The following STAG1 variants were observed in gnomAD, a reference collection of about 807,000 sequenced individuals.
STAG1 encodes cohesin subunit SA-1.
In STAG1, 26 loss-of-function variants were observed where a neutral mutation model predicts 170.9. That is an observed-to-expected ratio of 0.15 (90% CI 0.11 to 0.21). The LOEUF is 0.21. Among genes scored for constraint, STAG1 ranks in the 10% least tolerant of loss-of-function variants. The pLI is 1.00. For synonymous variants in STAG1, 514 were observed against 497.7 expected (o/e 1.03, Z -0.44); for missense variants, 964 against 1,509.5 (o/e 0.64, Z 5.99).
rs772562720 is a variant in STAG1 at position 136,643,199 on chromosome 3, A to G, written c.-83-12218T>C. Among the ~76,000 whole-genome samples the G allele has an allele frequency of 7.8e-4, 119 of 152,330 alleles. 1 individual carries two copies. Among genetic ancestry groups the G allele is most frequent in the Middle Eastern group, 3.4e-3 (1 of 294 alleles). Reference sequence around the variant, plus strand: ...TCTGTTCTATAAAAGCATTGTTTTGAAATTACTTATTCAAGATCATTTTAA... The same window carrying G: ...TCTGTTCTATAAAAGCATTGTTTTGGAATTACTTATTCAAGATCATTTTAA... On this transcript the variant is annotated intron_variant, in intron 1 of 33. Transcript: ENST00000383202.
At chr3:136,438,148 G>C (rs984083701) in intron 15 of STAG1, among the ~76,000 whole-genome samples, 1 of 151,262 alleles carries the variant, frequency 6.6e-6, no homozygotes, top group East Asian at 1.9e-4. Flanking sequence ...CATCATTCAT[G>C]TTTCAGATAC....
chr3:136,542,831 A>T (rs984154264), intron 5 of STAG1, among the ~76,000 whole-genome samples: 3 of 152,172 alleles, frequency 2.0e-5, no homozygotes, highest in Middle Eastern at 3.2e-3. Context: ...CAACAGCCTT[A>T]TGAAGAATGT....
chr3:136,586,757 A>G (rs1937850875), intron 4 of STAG1: 1 of 443,378 alleles, frequency 2.3e-6, no homozygotes, highest in Admixed American at 2.4e-5. Flanking sequence ...ATGCACTAAC[A>G]TGGGGAAGCA....
chr3:136,498,613 T>G (rs116809604), intron 9 of STAG1, among the ~76,000 whole-genome samples: 2,450 of 151,650 alleles, frequency 0.016, 71 homozygotes, highest in African/African-American at 0.056. Flanking sequence ...GTTTTATAGG[T>G]GTATATATGT....
chr3:136,563,661 A>C (rs569212727), intron 5 of STAG1, among the ~76,000 whole-genome samples: 263 of 149,244 alleles, frequency 1.8e-3, no homozygotes, highest in East Asian at 0.013. Flanking sequence ...AAAAAAAAAA[A>C]AACAACAACA....
chr3:136,586,844 G>A, intron 4 of STAG1: 1 of 456,550 alleles, frequency 2.2e-6, no homozygotes, highest in Non-Finnish European at 4.4e-6. Flanking sequence ...GTAAATAGAG[G>A]GGCCAAAGGC....
chr3:136,714,946 TATA>T (rs1943484016), intron 1 of STAG1, among the ~76,000 whole-genome samples: 1 of 74,958 alleles, frequency 1.3e-5, no homozygotes, highest in African/African-American at 4.4e-5. Flanking sequence ...TAAATATATA[TATA>T]TATATATATA....
chr3:136,563,116 A>C (rs1265830550), intron 5 of STAG1, among the ~76,000 whole-genome samples: 1 of 152,194 alleles, frequency 6.6e-6, no homozygotes, highest in Admixed American at 6.5e-5. Flanking sequence ...TCATTTGTTA[A>C]GGTGCTATCT....
At chr3:136,729,885 T>A (rs1361116362) in intron 1 of STAG1, among the ~76,000 whole-genome samples, 1 of 22,690 alleles carries the variant, frequency 4.4e-5, no homozygotes, top group African/African-American at 9.1e-4. Context: ...GGCTTTTTTT[T>A]TTTTTTTTTT....
chr3:136,476,306 G>C (rs904452599), intron 10 of STAG1, among the ~76,000 whole-genome samples: 1 of 152,172 alleles, frequency 6.6e-6, no homozygotes, highest in Non-Finnish European at 1.5e-5. Flanking sequence ...TTGGCTCCCA[G>C]GAGCAATGGA....
At chr3:136,723,417 A>G (rs1278288798) in intron 1 of STAG1, among the ~76,000 whole-genome samples, 2 of 141,840 alleles carry the variant, frequency 1.4e-5, no homozygotes, top group African/African-American at 2.7e-5. Context: ...GTCTCTGCCC[A>G]GCCGCCCCGT....
chr3:136,563,563 A>G (rs563629138), intron 5 of STAG1, among the ~76,000 whole-genome samples: 1 of 150,516 alleles, frequency 6.6e-6, no homozygotes, highest in East Asian at 2.0e-4. Flanking sequence ...CTCGCTCTTT[A>G]GGTAACCAAT....
At chr3:136,431,957 T>G (rs1300603729) in intron 16 of STAG1, among the ~76,000 whole-genome samples, 1 of 152,208 alleles carries the variant, frequency 6.6e-6, no homozygotes. Flanking sequence ...TCTCATCAAA[T>G]TTGGGAGGTT....
At chr3:136,436,994 T>C (rs2107752259) in intron 15 of STAG1, among the ~76,000 whole-genome samples, 1 of 152,342 alleles carries the variant, frequency 6.6e-6, no homozygotes, top group South Asian at 2.1e-4. Context: ...TTTTGCTCAA[T>C]AACAACTAAA....
intron 5 of STAG1, among the ~76,000 whole-genome samples, chr3:136,555,334 A>G (rs1313677772): frequency 6.6e-6 from 1 of 151,340 alleles, no homozygotes; most frequent in East Asian, 1.9e-4. Flanking sequence ...AAACATAGCG[A>G]GTCTCTAAAT....
intron 4 of STAG1, among the ~76,000 whole-genome samples, chr3:136,592,973 G>C (rs1938259170): frequency 6.6e-6 from 1 of 152,180 alleles, no homozygotes; most frequent in African/African-American, 2.4e-5. Flanking sequence ...ATAATAATTT[G>C]TGACAAGGGT....
chr3:136,451,525 A>G (rs923189662), intron 14 of STAG1, among the ~76,000 whole-genome samples: 1 of 152,182 alleles, frequency 6.6e-6, no homozygotes, highest in African/African-American at 2.4e-5. Flanking sequence ...GCACTTTGGG[A>G]GGCCAAGGTG....
intron 1 of STAG1, among the ~76,000 whole-genome samples, chr3:136,735,716 G>A (rs1381870873): frequency 6.6e-6 from 1 of 151,904 alleles, no homozygotes; most frequent in Non-Finnish European, 1.5e-5. Context: ...GGGTTCAAGC[G>A]ATTCCCCTGC....
chr3:136,694,254 A>G (rs1942812401), intron 1 of STAG1, among the ~76,000 whole-genome samples: 1 of 152,148 alleles, frequency 6.6e-6, no homozygotes, highest in Non-Finnish European at 1.5e-5. Context: ...CAGGTCTCAC[A>G]GGGGATAGAT....
Sources: gnomAD v4.1 joint callset for allele counts (sites outside exome capture counted in the v4.1 genomes callset) on GRCh38, gnomAD v4.1.1 for gene constraint, MANE v1.5 for transcripts, NCBI Gene and HGNC (gene_info 2026-07-23, HGNC 2026-07-21) for gene names.